Variants in SEL1L observed in about 807,000 individuals in gnomAD.
SEL1L encodes the protein SEL1L adaptor subunit of SYVN1 ubiquitin ligase.
A neutral mutation model predicts 109.8 loss-of-function variants in SEL1L; 52 were observed. The observed-to-expected ratio is 0.47, with a 90% confidence interval of 0.38 to 0.60. The LOEUF (loss-of-function observed/expected upper bound fraction) is 0.60, where lower values mean the gene tolerates loss of function less well. Among genes scored for constraint, SEL1L ranks in the 20% least tolerant of loss-of-function variants. The probability of loss-of-function intolerance (pLI) is 0.00; values close to 1 mark genes in which losing one functional copy is unlikely to be tolerated. For synonymous variants in SEL1L, 373 were observed against 339.6 expected (o/e 1.10, Z -1.08); for missense variants, 749 against 962.2 (o/e 0.78, Z 2.93).
intron 3 of SEL1L, among the ~76,000 whole-genome samples, chr14:81,519,196 A>G (rs1884818695): frequency 1.3e-5 from 2 of 152,218 alleles, no homozygotes; most frequent in African/African-American, 4.8e-5. Context: ...TTGCTGCTGG[A>G]TTTAAGCACT....
chr14:81,488,981 G>A, intron 14 of SEL1L: 1 of 454,328 alleles, frequency 2.2e-6, no homozygotes, highest in Non-Finnish European at 3.9e-6. Flanking sequence ...GATGGTTAGA[G>A]GACGTGGGGT....
intron 3 of SEL1L, among the ~76,000 whole-genome samples, chr14:81,510,472 ATCTCTC>A (rs374089460): frequency 0.011 from 1,334 of 118,870 alleles, 26 homozygotes; most frequent in Admixed American, 0.047. Context: ...TAGAATGCTG[ATCTCTC>A]TCTCTCTCTC....
At position 81,476,497 on chromosome 14, in the gene SEL1L, T is replaced by C. The variant is rs1456363819; in HGVS notation, c.*475A>G. ...ATTTTCAAGATAGCTTTTTTTTTTTTTAACTTAAAAGGCAAGTTCTATTTT... is the reference window on the plus strand; with the variant it reads ...ATTTTCAAGATAGCTTTTTTTTTTTCTAACTTAAAAGGCAAGTTCTATTTT... On this transcript the variant is annotated 3_prime_UTR_variant, in exon 21 of 21. Transcript: ENST00000336735. The C allele has an allele frequency of 6.6e-6, 1 of 152,608 alleles. No individual in the cohort carries two copies. The highest frequency in any genetic ancestry group is 2.4e-5 in the African/African-American group (1 of 40,970). 9.5% of individuals were successfully genotyped at this position (152,608 alleles called of 1,614,324 possible). A position where few individuals can be genotyped will look rare whatever the true frequency, so the allele number is the denominator to read the frequency against.
chr14:81,504,223 T>C lies in SEL1L; in HGVS notation c.592A>G (p.Asn198Asp). 6.3e-7 allele frequency: 1 copy of C among 1,595,694 alleles called. No homozygotes were observed. The highest frequency in any genetic ancestry group is 8.5e-7 in the Non-Finnish European group (1 of 1,171,232). The change falls in exon 5 of 21, where the codon AAT becomes GAT. Residue 198 changes from asparagine to aspartate, a missense_variant. By Grantham distance (23) the Asn-to-Asp change is conservative. Transcript: ENST00000336735. ...TACTCTCTTTTTTGGCTTTTCTTAT[T>C]GCTTCCATTAAGGATTTTCATTCCA... is the stretch of plus-strand genomic sequence containing the variant. The part of the protein sequence containing the change: ...QTGMKILNGS[N>D]KKSQKREAYR...
At chr14:81,504,085 G>T in intron 5 of SEL1L, 116 bp downstream of exon 5, 1 of 539,946 alleles carries the variant, frequency 1.9e-6, no homozygotes, top group Non-Finnish European at 3.2e-6. Context: ...TTTTTGTAAT[G>T]GAACTTAAAA....
chr14:81,511,586 C>CA lies in SEL1L; in HGVS notation c.341-5346dup, dbSNP rs201262097. ...CCAAATCAAACCAAAGAAACAATAA[C>CA]AAAAAAAGCCTTTTCATGAAAGTCA... On this transcript the variant is annotated intron_variant, in intron 3 of 20. Transcript: ENST00000336735. 4.4e-3 allele frequency among the ~76,000 whole-genome samples: 663 copies of CA among 152,196 alleles called. 6 individuals are homozygous for CA. The highest frequency in any genetic ancestry group is 0.015 in the African/African-American group (637 of 41,550).
chr14:81,510,477 TC>T (rs1884421375), intron 3 of SEL1L, among the ~76,000 whole-genome samples: 1 of 78,542 alleles, frequency 1.3e-5, no homozygotes, highest in African/African-American at 7.3e-5. Flanking sequence ...TGCTGATCTC[TC>T]TCTCTCTCTC....
At chr14:81,495,909 C>G (rs1196251560) in intron 10 of SEL1L, among the ~76,000 whole-genome samples, 2 of 152,076 alleles carry the variant, frequency 1.3e-5, no homozygotes, top group African/African-American at 4.8e-5. Flanking sequence ...GCACTCCATC[C>G]TGGGTGACAG....
intron 1 of SEL1L, among the ~76,000 whole-genome samples, chr14:81,528,366 A>C (rs1885195148): frequency 6.6e-6 from 1 of 152,206 alleles, no homozygotes; most frequent in South Asian, 2.1e-4. Flanking sequence ...CTATGTAGTA[A>C]GAAATCAATA....
chr14:81,479,824 T>C (rs1903290600), intron 19 of SEL1L, 84 bp from the exon 20 acceptor site: 2 of 1,238,262 alleles, frequency 1.6e-6, no homozygotes, highest in Admixed American at 5.7e-5. Context: ...GAATTTATTT[T>C]ACCTTTGAGG....
At chr14:81,480,751 G>A (rs1355704076) in intron 19 of SEL1L, among the ~76,000 whole-genome samples, 1 of 152,136 alleles carries the variant, frequency 6.6e-6, no homozygotes, top group African/African-American at 2.4e-5. Context: ...AGAGGTACTT[G>A]CATGGACATG....
chr14:81,504,485 A>AT (rs11412404), intron 4 of SEL1L, among the ~76,000 whole-genome samples, 179 bp from the exon 5 acceptor site: 4,933 of 151,736 alleles, frequency 0.033, 251 homozygotes, highest in African/African-American at 0.11. Flanking sequence ...AACTTAAAAA[A>AT]AATATATATA....
intron 19 of SEL1L, 151 bp downstream of exon 19, chr14:81,484,074 G>C (rs1405450448): frequency 1.3e-6 from 1 of 751,802 alleles, no homozygotes; most frequent in African/African-American, 1.7e-5. Context: ...AGAGATGGAA[G>C]GGCAGTCTTC....
intron 4 of SEL1L, among the ~76,000 whole-genome samples, chr14:81,505,745 C>G (rs182436814): frequency 1.3e-5 from 2 of 152,186 alleles, no homozygotes; most frequent in East Asian, 3.9e-4. Context: ...CACTATTAAC[C>G]TTCTCCATAA....
At chr14:81,494,850 C>T (rs1215796487) in intron 11 of SEL1L, among the ~76,000 whole-genome samples, 1 of 152,194 alleles carries the variant, frequency 6.6e-6, no homozygotes, top group Non-Finnish European at 1.5e-5. Flanking sequence ...AAGACCAAAA[C>T]TATTTTGTCC....
intron 13 of SEL1L, among the ~76,000 whole-genome samples, chr14:81,489,717 T>C (rs557841594): frequency 1.3e-5 from 2 of 152,256 alleles, no homozygotes; most frequent in Non-Finnish European, 2.9e-5. Flanking sequence ...CTTGTAATAA[T>C]AGCATAATCA....
chr14:81,474,382 C>T lies in SEL1L; in HGVS notation c.*2590G>A, dbSNP rs1459188313. ...AACAGGGTTTTACTGTCATCAAGTTCGAAGGCAGGAAGACAGACTAGAAAA... is the reference window on the plus strand; with the variant it reads ...AACAGGGTTTTACTGTCATCAAGTTTGAAGGCAGGAAGACAGACTAGAAAA... On this transcript the variant is annotated 3_prime_UTR_variant, in exon 21 of 21. Coordinates refer to ENST00000336735, the MANE Select transcript of SEL1L (RefSeq NM_005065.6). The T allele has an allele frequency of 1.3e-5, 2 of 152,066 alleles. No homozygotes were observed. Among genetic ancestry groups the T allele is most frequent in the African/African-American group, 2.4e-5 (1 of 41,402 alleles). The allele number at this position is 152,066 out of a possible 1,614,324, so 9.4% of individuals were successfully genotyped here.
intron 5 of SEL1L, 49 bp from the exon 6 acceptor site, chr14:81,502,932 C>A (rs1466966535): frequency 6.7e-7 from 1 of 1,484,116 alleles, no homozygotes; most frequent in South Asian, 1.3e-5. Context: ...TTTGAAACTG[C>A]CATTAAGTTT....
At chr14:81,522,528 T>C (rs527745096) in intron 3 of SEL1L, among the ~76,000 whole-genome samples, 1 of 152,382 alleles carries the variant, frequency 6.6e-6, no homozygotes, top group African/African-American at 2.4e-5. Context: ...GTTTGTAGCC[T>C]AGTAGCAATA....
Sources: gnomAD v4.1 joint callset for allele counts (sites outside exome capture counted in the v4.1 genomes callset) on GRCh38, gnomAD v4.1.1 for gene constraint, MANE v1.5 for transcripts, NCBI Gene and HGNC (gene_info 2026-07-23, HGNC 2026-07-21) for gene names.